Variants in POFUT3 observed in about 807,000 individuals in gnomAD.
POFUT3 encodes protein O-fucosyltransferase 3.
the POFUT3 span, among the ~76,000 whole-genome samples, chr8:33,355,386 G>A: frequency 6.2e-4 from 94 of 152,108 alleles, no homozygotes; most frequent in Non-Finnish European, 1.1e-3. Flanking sequence ...TTTTTCAGGA[G>A]TATTGCAAAA....
chr8:33,386,846 C>G, the POFUT3 span, among the ~76,000 whole-genome samples: 1 of 152,158 alleles, frequency 6.6e-6, no homozygotes, highest in Non-Finnish European at 1.5e-5. Flanking sequence ...AGCATACCCT[C>G]TCTTCCAGTT....
the POFUT3 span, among the ~76,000 whole-genome samples, chr8:33,433,611 CA>C: frequency 4.5e-4 from 63 of 140,514 alleles, no homozygotes; most frequent in Admixed American, 4.3e-4. Context: ...GACTTCGTCT[CA>C]AAAAAAAAAA....
the POFUT3 span, among the ~76,000 whole-genome samples, chr8:33,422,306 G>A: frequency 1.3e-5 from 2 of 151,588 alleles, no homozygotes; most frequent in Admixed American, 1.3e-4. Context: ...ACTTTGGGAG[G>A]CCAAGATGGG....
At chr8:33,329,893 T>C in the POFUT3 span, among the ~76,000 whole-genome samples, 1 of 152,206 alleles carries the variant, frequency 6.6e-6, no homozygotes, top group African/African-American at 2.4e-5. Flanking sequence ...TATTCCTTTT[T>C]ACTTTGTAAG....
chr8:33,392,586 A>AAAAATAAAT, the POFUT3 span, among the ~76,000 whole-genome samples: 4 of 152,068 alleles, frequency 2.6e-5, no homozygotes, highest in Non-Finnish European at 5.9e-5. Context: ...CTCAAAAAGT[A>AAAAATAAAT]AAAATAAATA....
chr8:33,372,260 C>T, the POFUT3 span: 16,945 of 1,066,226 alleles, frequency 0.016, 445 homozygotes, highest in East Asian at 0.11. Context: ...GATCGTCTCC[C>T]TCCATTGCAC....
At chr8:33,377,915 T>C in the POFUT3 span, among the ~76,000 whole-genome samples, 4 of 152,296 alleles carry the variant, frequency 2.6e-5, no homozygotes, top group East Asian at 3.9e-4. Context: ...TGAGGAAAGA[T>C]GGATAATCTG....
At chr8:33,452,348 C>T in the POFUT3 span, 1 of 152,080 alleles carries the variant, frequency 6.6e-6, no homozygotes, top group African/African-American at 2.4e-5. Flanking sequence ...TAGTATTCCA[C>T]TGAATTTCTA....
chr8:33,314,070 A>G, the POFUT3 span, among the ~76,000 whole-genome samples: 65,326 of 152,030 alleles, frequency 0.43, 15,787 homozygotes, highest in East Asian at 0.8. Flanking sequence ...GATTAACACC[A>G]TCCCAATCTG....
chr8:33,314,339 C>T, the POFUT3 span, among the ~76,000 whole-genome samples: 1 of 152,260 alleles, frequency 6.6e-6, no homozygotes, highest in African/African-American at 2.4e-5. Context: ...CTCTAATATC[C>T]ACTCCCAAGG....
the POFUT3 span, among the ~76,000 whole-genome samples, chr8:33,316,308 T>C: frequency 6.6e-6 from 1 of 152,104 alleles, no homozygotes; most frequent in Non-Finnish European, 1.5e-5. Context: ...CCACTTTACC[T>C]TGGCAAGCAC....
At chr8:33,436,297 T>C in the POFUT3 span, 2 of 1,346,130 alleles carry the variant, frequency 1.5e-6, no homozygotes, top group Non-Finnish European at 2.1e-6. Context: ...TGAAACTCTG[T>C]GTTATCAAGG....
At chr8:33,463,973 G>C in the POFUT3 span, among the ~76,000 whole-genome samples, 1 of 152,038 alleles carries the variant, frequency 6.6e-6, no homozygotes, top group African/African-American at 2.4e-5. Context: ...CAGTGACTAA[G>C]AGAAGGTCTC....
chr8:33,465,389 C>CAT, the POFUT3 span, among the ~76,000 whole-genome samples: 82,667 of 145,260 alleles, frequency 0.57, 23,166 homozygotes, highest in African/African-American at 0.61. Flanking sequence ...TGCCCAAGAT[C>CAT]ATATATATAT....
the POFUT3 span, among the ~76,000 whole-genome samples, chr8:33,402,282 G>A: frequency 6.6e-6 from 1 of 152,122 alleles, no homozygotes; most frequent in Non-Finnish European, 1.5e-5. Context: ...GATACCAACC[G>A]AATGCTTTTT....
At chr8:33,370,639 A>T in the POFUT3 span, among the ~76,000 whole-genome samples, 1 of 152,200 alleles carries the variant, frequency 6.6e-6, no homozygotes, top group Non-Finnish European at 1.5e-5. Flanking sequence ...CTTGATGAAG[A>T]ACTAAGATGG....
chr8:33,309,138 TAA>T, the POFUT3 span, among the ~76,000 whole-genome samples: 7 of 41,692 alleles, frequency 1.7e-4, 1 homozygote, highest in East Asian at 5.5e-4. Flanking sequence ...CTGGGGAGTG[TAA>T]AAAAAAAAAA....
chr8:33,389,319 C>T, the POFUT3 span: 1 of 1,614,164 alleles, frequency 6.2e-7, no homozygotes, highest in Non-Finnish European at 8.5e-7. Flanking sequence ...ATGTAGTCAT[C>T]ACAAACTGCA....
At chr8:33,364,007 T>C in the POFUT3 span, among the ~76,000 whole-genome samples, 21 of 152,186 alleles carry the variant, frequency 1.4e-4, no homozygotes, top group South Asian at 6.2e-4. Context: ...TGAACACTGA[T>C]GCGAAAATCC....
Sources: allele counts gnomAD v4.1 joint callset (sites outside exome capture counted in the v4.1 genomes callset), GRCh38; gene constraint gnomAD v4.1.1; transcripts MANE v1.5; gene names NCBI Gene and HGNC (gene_info 2026-07-23, HGNC 2026-07-21).